Variants in NTM observed in about 807,000 individuals in gnomAD.
The protein encoded by NTM is IgLON family member 2.
Under a neutral mutation model 42.1 loss-of-function variants are expected in NTM, and 13 were observed. The ratio of observed to expected loss-of-function variants is 0.31; its 90% CI spans 0.20 to 0.49. The LOEUF (loss-of-function observed/expected upper bound fraction) is 0.49, where lower values mean the gene tolerates loss of function less well. NTM is among the 20% of genes least tolerant of loss of function. The pLI is 0.99. For synonymous variants in NTM, 187 were observed against 179.2 expected, an observed-to-expected ratio of 1.04 and a Z score of -0.35; for missense variants, 373 against 452.8, an observed-to-expected ratio of 0.82 and a Z score of 1.60.
intron 1 of NTM, among the ~76,000 whole-genome samples, chr11:131,471,402 G>A (rs1198746987): frequency 6.6e-6 from 1 of 152,164 alleles, no homozygotes; most frequent in Admixed American, 6.5e-5. Context: ...GCCCACTTGG[G>A]ATCTATCACG....
intron 1 of NTM, among the ~76,000 whole-genome samples, chr11:131,443,142 T>A (rs1433165647): frequency 6.6e-6 from 1 of 152,164 alleles, no homozygotes; most frequent in African/African-American, 2.4e-5. Context: ...GTACGTGTGG[T>A]GAGCTGAACA....
At chr11:131,585,910 A>T (rs1380287486) in intron 1 of NTM, among the ~76,000 whole-genome samples, 1 of 152,038 alleles carries the variant, frequency 6.6e-6, no homozygotes. Flanking sequence ...GATTCTCACC[A>T]ATTTGCCAGA....
chr11:131,768,373 C>T (rs1215639220), intron 1 of NTM, among the ~76,000 whole-genome samples: 1 of 152,152 alleles, frequency 6.6e-6, no homozygotes, highest in African/African-American at 2.4e-5. Flanking sequence ...CTGCCTCGGC[C>T]TCTCAAAGTG....
At chr11:131,738,064 G>A (rs1317458102) in intron 1 of NTM, among the ~76,000 whole-genome samples, 1 of 152,132 alleles carries the variant, frequency 6.6e-6, no homozygotes, top group Admixed American at 6.5e-5. Context: ...CCTCTCCGAT[G>A]TCCCTGAAGT....
At chr11:131,517,258 A>G (rs2136517618) in intron 1 of NTM, among the ~76,000 whole-genome samples, 1 of 152,300 alleles carries the variant, frequency 6.6e-6, no homozygotes, top group Non-Finnish European at 1.5e-5. Context: ...ATTCTGAATA[A>G]TGTGTGGGAA....
At chr11:131,660,973 G>A in intron 1 of NTM, 2 of 1,304,326 alleles carry the variant, frequency 1.5e-6, no homozygotes, top group Non-Finnish European at 2.0e-6. Flanking sequence ...AAAGTTGGAT[G>A]TTTTTAAAGT....
chr11:131,573,722 A>C (rs1385966109), intron 1 of NTM: 1 of 152,208 alleles, frequency 6.6e-6, no homozygotes, highest in Non-Finnish European at 1.5e-5. Context: ...ATCTCTCCTG[A>C]ATTGGAGTCG....
intron 1 of NTM, among the ~76,000 whole-genome samples, chr11:131,389,985 G>A (rs566421261): frequency 8.5e-5 from 13 of 152,304 alleles, no homozygotes; most frequent in African/African-American, 2.4e-4. Context: ...AGGGGCAGAA[G>A]GTTGATCTCT....
At chr11:132,171,261 T>C (rs895078493) in intron 3 of NTM, among the ~76,000 whole-genome samples, 19 of 152,180 alleles carry the variant, frequency 1.2e-4, no homozygotes, top group African/African-American at 3.9e-4. Context: ...CTGCCGCTGA[T>C]CCTTTATCTC....
chr11:132,272,650 CT>C (rs770243164), intron 4 of NTM, among the ~76,000 whole-genome samples: 4 of 152,000 alleles, frequency 2.6e-5, no homozygotes, highest in Non-Finnish European at 5.9e-5. Context: ...AAAAGAGTTG[CT>C]TTTGTAAATT....
chr11:131,884,819 C>G (rs968784384), intron 1 of NTM, among the ~76,000 whole-genome samples: 2 of 152,188 alleles, frequency 1.3e-5, no homozygotes, highest in Non-Finnish European at 2.9e-5. Context: ...GGAAAGAAGA[C>G]AAAGGCTCTT....
chr11:131,683,113 T>G (rs188242866), intron 1 of NTM, among the ~76,000 whole-genome samples: 80 of 152,284 alleles, frequency 5.3e-4, no homozygotes, highest in African/African-American at 1.7e-3. Context: ...AACTGAACTT[T>G]CCCTCTAAAA....
In NTM at chr11:131,907,721, T is replaced by C. The variant is rs768441912; in HGVS notation, c.83-3843T>C. ...AAGGAGGCAGAAAGGAAGTTGTTTC[T>C]ATAAAGAACACAAATAATGAAATTG... On this transcript the variant is annotated intron_variant, in intron 1 of 8. Coordinates refer to ENST00000683400, the MANE Select transcript of NTM (RefSeq NM_001352005.2). Among the ~76,000 whole-genome samples, 7 of 151,862 alleles carry C rather than the reference T, an allele frequency of 4.6e-5. No homozygotes were observed. In the South Asian group the frequency reaches 6.2e-4, roughly 13 times the overall value.
chr11:132,136,916 G>A (rs1210586979), intron 2 of NTM, among the ~76,000 whole-genome samples: 24 of 152,160 alleles, frequency 1.6e-4, no homozygotes, highest in Admixed American at 1.5e-3. Context: ...TTCCCCAGAG[G>A]CCAGTGCATC....
chr11:131,468,409 T>C (rs142951361), intron 1 of NTM, among the ~76,000 whole-genome samples: 45 of 152,340 alleles, frequency 3.0e-4, no homozygotes, highest in African/African-American at 1.1e-3. Context: ...GCCAGCTGCA[T>C]CTCTGAGAAC....
intron 1 of NTM, among the ~76,000 whole-genome samples, chr11:131,452,648 A>G (rs530533273): frequency 3.3e-5 from 5 of 152,304 alleles, no homozygotes; most frequent in Non-Finnish European, 4.4e-5. Context: ...TTTAGTCCCT[A>G]TGAAGACACT....
chr11:132,008,619 T>C (rs756693832), intron 2 of NTM, among the ~76,000 whole-genome samples: 5 of 151,966 alleles, frequency 3.3e-5, no homozygotes, highest in Non-Finnish European at 7.4e-5. Context: ...TCTGTGAATC[T>C]TATACCTTTC....
intron 2 of NTM, among the ~76,000 whole-genome samples, chr11:132,009,163 G>A (rs890063440): frequency 6.6e-6 from 1 of 152,174 alleles, no homozygotes; most frequent in Non-Finnish European, 1.5e-5. Flanking sequence ...GCTACAATTG[G>A]AAACCTGCTT....
chr11:131,947,484 G>GTTCTCT (rs2060474223), intron 2 of NTM, among the ~76,000 whole-genome samples: 1 of 152,144 alleles, frequency 6.6e-6, no homozygotes. Context: ...CACCTACAGA[G>GTTCTCT]AACCAGGCAC....
Sources: allele counts gnomAD v4.1 joint callset (sites outside exome capture counted in the v4.1 genomes callset), GRCh38; gene constraint gnomAD v4.1.1; transcripts MANE v1.5; gene names NCBI Gene and HGNC (gene_info 2026-07-23, HGNC 2026-07-21).